The following RASGEF1C variants were observed in gnomAD, a reference collection of about 807,000 sequenced individuals.
RASGEF1C encodes RasGEF domain family member 1C.
Under a neutral mutation model 58.1 loss-of-function variants are expected in RASGEF1C, and 27 were observed. That is an observed-to-expected ratio of 0.46 (90% CI 0.34 to 0.64). RASGEF1C has a LOEUF of 0.64. Ranked by LOEUF, RASGEF1C falls within the 30% of genes least tolerant of loss-of-function variation. The pLI is 0.01. For synonymous variants in RASGEF1C, 243 were observed against 246.3 expected (o/e 0.99, Z 0.13); for missense variants, 502 against 605.1 (o/e 0.83, Z 1.79).
intron 6 of RASGEF1C, 107 bp downstream of exon 6, chr5:180,127,502 C>T: frequency 8.7e-7 from 1 of 1,148,878 alleles, no homozygotes; most frequent in Non-Finnish European, 1.2e-6. Context: ...ACCTGTCCCA[C>T]TCTGGGCCAC....
At chr5:180,121,376 C>G (rs570226863) in intron 6 of RASGEF1C, among the ~76,000 whole-genome samples, 15 of 151,660 alleles carry the variant, frequency 9.9e-5, no homozygotes, top group African/African-American at 2.7e-4. Context: ...TGCGGTGGCG[C>G]GATCTCGGCT....
chr5:180,136,749 T>G (rs999411254), intron 3 of RASGEF1C: 12 of 554,424 alleles, frequency 2.2e-5, no homozygotes, highest in Admixed American at 3.2e-5. Flanking sequence ...GGTTGACGGC[T>G]CCATCCTCCC....
intron 5 of RASGEF1C, 125 bp from the exon 6 acceptor site, chr5:180,127,808 C>G: frequency 1.2e-6 from 1 of 826,254 alleles, no homozygotes; most frequent in Non-Finnish European, 1.9e-6. Context: ...AACTGCCCTC[C>G]CCACTGGGGC....
chr5:180,204,539 C>T (rs1169996791), intron 1 of RASGEF1C, among the ~76,000 whole-genome samples: 1 of 152,010 alleles, frequency 6.6e-6, no homozygotes, highest in Non-Finnish European at 1.5e-5. Context: ...TCATTATCTA[C>T]ATACATGGCT....
In RASGEF1C at chr5:180,136,649, G is replaced by T. The variant is rs554240743; in HGVS notation, c.301-134C>A. 5 of 960,884 alleles carry T rather than the reference G, an allele frequency of 5.2e-6. No homozygotes were observed. The East Asian group carries it at 1.1e-4, about 21-fold the overall frequency. The allele number at this position is 960,884 out of a possible 1,614,324, so 59.5% of individuals were successfully genotyped here. ...CCCTCTCTGTGCCAGGGAGGAGGAG[G>T]GGGGTGCGATCCTGCTCTGCGCCCA... On this transcript the variant is annotated intron_variant, in intron 3 of 13. Coordinates refer to ENST00000361132, the MANE Select transcript of RASGEF1C (RefSeq NM_175062.4).
At chr5:180,140,213 AC>A (rs745850116) in intron 1 of RASGEF1C, among the ~76,000 whole-genome samples, 3 of 152,134 alleles carry the variant, frequency 2.0e-5, no homozygotes, top group Non-Finnish European at 4.4e-5. Flanking sequence ...ATTGTGACCC[AC>A]AGGGATGCCC....
At chr5:180,182,071 G>A (rs1767343298) in intron 1 of RASGEF1C, among the ~76,000 whole-genome samples, 2 of 151,858 alleles carry the variant, frequency 1.3e-5, no homozygotes, top group Admixed American at 6.6e-5. Context: ...CGGGCATGGT[G>A]GCGGGCGCCT....
chr5:180,180,934 A>G (rs1474604013), intron 1 of RASGEF1C, among the ~76,000 whole-genome samples: 1 of 152,238 alleles, frequency 6.6e-6, no homozygotes, highest in Non-Finnish European at 1.5e-5. Flanking sequence ...GGATCGCCGC[A>G]TACAGCACTA....
intron 1 of RASGEF1C, among the ~76,000 whole-genome samples, chr5:180,174,590 G>A (rs1159393927): frequency 1.4e-4 from 7 of 49,924 alleles, no homozygotes; most frequent in Non-Finnish European, 2.8e-4. Context: ...GTGCGCACGT[G>A]TGTGTGTGTG....
intron 1 of RASGEF1C, among the ~76,000 whole-genome samples, chr5:180,159,202 C>T (rs556670862): frequency 7.1e-4 from 108 of 151,130 alleles, no homozygotes; most frequent in African/African-American, 2.4e-3. Context: ...TGCAACGGCG[C>T]GATCTCGGCT....
At chr5:180,125,156 C>CAAAA (rs1025454176) in intron 6 of RASGEF1C, among the ~76,000 whole-genome samples, 1 of 151,992 alleles carries the variant, frequency 6.6e-6, no homozygotes, top group Non-Finnish European at 1.5e-5. Context: ...ACAACAACAA[C>CAAAA]AAAAAACCCA....
chr5:180,110,394 T>TTA (rs1177841620), intron 12 of RASGEF1C, among the ~76,000 whole-genome samples: 2 of 148,604 alleles, frequency 1.3e-5, no homozygotes, highest in Middle Eastern at 3.4e-3. Flanking sequence ...CCTTCTCCCT[T>TTA]TTTTTTTTTT....
chr5:180,204,522 T>C (rs2127564849), intron 1 of RASGEF1C, among the ~76,000 whole-genome samples: 1 of 152,276 alleles, frequency 6.6e-6, no homozygotes, highest in East Asian at 1.9e-4. Flanking sequence ...TCAGGAGAAA[T>C]ATCAGATCAT....
chr5:180,119,495 G>T, intron 7 of RASGEF1C, 47 bp from the exon 8 acceptor site: 1 of 1,455,866 alleles, frequency 6.9e-7, no homozygotes, highest in Non-Finnish European at 9.6e-7. Context: ...CCTCCACCCT[G>T]CCCTGATCAG....
In RASGEF1C at chr5:180,101,205, C is replaced by T; in HGVS notation, c.*296G>A. On this transcript the variant is annotated 3_prime_UTR_variant, in exon 14 of 14. Transcript: ENST00000361132. ...CCACCCTCTGGGGCAGTGTTGTGTC[C>T]TTGCCGAGGATGGACAGACTGACCA... is the stretch of plus-strand genomic sequence containing the variant. The T allele has an allele frequency of 2.1e-6, 1 of 482,588 alleles. No individual in the cohort carries two copies. Among genetic ancestry groups the T allele is most frequent in the Non-Finnish European group, 3.7e-6 (1 of 267,540 alleles). 29.9% of individuals were successfully genotyped at this position (482,588 alleles called of 1,614,324 possible).
Position 180,168,212 on chromosome 5 carries a change from C to A in RASGEF1C, c.-6-30154G>T, listed in dbSNP as rs1838378. Among the ~76,000 whole-genome samples, 760 of 152,240 alleles carry A rather than the reference C, an allele frequency of 5.0e-3. 7 individuals carry two copies. Among genetic ancestry groups the A allele is most frequent in the African/African-American group, 0.017 (717 of 41,534 alleles). ...TTGGGAGGCTGAGGTGGGCAGATCA[C>A]CTGAGGTCAGGAGTTCGAGACCAGC... On this transcript the variant is annotated intron_variant, in intron 1 of 13. Transcript: ENST00000361132. This position sits in a 1 kb window ranked among gnomAD's most constrained non-coding sequence, Gnocchi z 6.0.
In RASGEF1C at chr5:180,168,929, T is replaced by A. The variant is rs1767062807; in HGVS notation, c.-6-30871A>T. Among the ~76,000 whole-genome samples the A allele has an allele frequency of 6.6e-6, 1 of 152,172 alleles. No individual in the cohort carries two copies. The highest frequency in any genetic ancestry group is 1.5e-5 in the Non-Finnish European group (1 of 68,036). On this transcript the variant is annotated intron_variant, in intron 1 of 13. Coordinates refer to ENST00000361132, the MANE Select transcript of RASGEF1C (RefSeq NM_175062.4). This position sits in a 1 kb window ranked among gnomAD's most constrained non-coding sequence, Gnocchi z 6.0. Reference sequence around the variant, plus strand: ...TTCCATGCTGCCCTGAGTGCAGGCTTGGCTAGAGCGGGGGAAAAACGGCAA... The same window carrying A: ...TTCCATGCTGCCCTGAGTGCAGGCTAGGCTAGAGCGGGGGAAAAACGGCAA...
intron 1 of RASGEF1C, among the ~76,000 whole-genome samples, chr5:180,152,835 C>T (rs866600057): frequency 5.3e-5 from 8 of 149,654 alleles, no homozygotes; most frequent in Non-Finnish European, 7.4e-5. Flanking sequence ...TGCTTGAACC[C>T]GAGAGGCGGA....
rs111268824 is a variant in RASGEF1C at position 180,103,278 on chromosome 5, C to T, written c.1304-1135G>A. Among the ~76,000 whole-genome samples the T allele has an allele frequency of 9.7e-3, 1,479 of 152,230 alleles. 9 individuals carry two copies. The highest frequency in any genetic ancestry group is 0.014 in the Non-Finnish European group (962 of 68,012). On this transcript the variant is annotated intron_variant, in intron 12 of 13. Transcript: ENST00000361132. ...ATTTTTAGTAGAGATGGGGTTTCAC[C>T]GTGTTAGCCAGGATGGTCTCGATCT...
Sources: allele counts gnomAD v4.1 joint callset (sites outside exome capture counted in the v4.1 genomes callset), GRCh38; gene constraint gnomAD v4.1.1; non-coding constraint Gnocchi (gnomAD v3.1); transcripts MANE v1.5; gene names NCBI Gene and HGNC (gene_info 2026-07-23, HGNC 2026-07-21).